ARB2A: variants seen among roughly 807,000 people sequenced by gnomAD.
ARB2A encodes the protein ARB2 cotranscriptional regulator A.
the ARB2A span, among the ~76,000 whole-genome samples, chr5:93,849,209 G>A: frequency 6.6e-6 from 1 of 151,902 alleles, no homozygotes; most frequent in Non-Finnish European, 1.5e-5. Context: ...CTTAGGATAG[G>A]ATACCAACAA....
At chr5:93,746,439 A>C in the ARB2A span, among the ~76,000 whole-genome samples, 5 of 152,320 alleles carry the variant, frequency 3.3e-5, no homozygotes, top group East Asian at 9.6e-4. Flanking sequence ...GAAATGCTAT[A>C]ATGTAGTAGT....
chr5:93,865,397 T>C, the ARB2A span: 7 of 985,276 alleles, frequency 7.1e-6, no homozygotes, highest in Non-Finnish European at 6.0e-6. Context: ...GATAATTTCA[T>C]GTGAGTAGAA....
the ARB2A span, among the ~76,000 whole-genome samples, chr5:94,031,466 A>G: frequency 6.6e-6 from 1 of 152,208 alleles, no homozygotes; most frequent in Non-Finnish European, 1.5e-5. Context: ...GGAATAGCAT[A>G]TATGGTTGAA....
chr5:93,966,444 T>C, the ARB2A span, among the ~76,000 whole-genome samples: 1 of 152,058 alleles, frequency 6.6e-6, no homozygotes, highest in African/African-American at 2.4e-5. Context: ...CAGGATAATA[T>C]AAAACAATTC....
the ARB2A span, among the ~76,000 whole-genome samples, chr5:93,812,946 G>C: frequency 6.6e-6 from 1 of 152,142 alleles, no homozygotes; most frequent in Non-Finnish European, 1.5e-5. Context: ...CCCAAGATGG[G>C]GTTAGTGTCC....
chr5:93,682,001 T>C, the ARB2A span, among the ~76,000 whole-genome samples: 1 of 152,206 alleles, frequency 6.6e-6, no homozygotes, highest in East Asian at 1.9e-4. Context: ...ATTTGGTAAA[T>C]ATTGAAATTC....
At chr5:93,767,424 A>T in the ARB2A span, among the ~76,000 whole-genome samples, 3 of 152,164 alleles carry the variant, frequency 2.0e-5, no homozygotes, top group Non-Finnish European at 2.9e-5. Context: ...GCACTTCTAC[A>T]CTGCTGGTGG....
At chr5:93,960,374 C>A in the ARB2A span, among the ~76,000 whole-genome samples, 1 of 151,992 alleles carries the variant, frequency 6.6e-6, no homozygotes. Context: ...TTCCATAGTC[C>A]CCTTCCCTGT....
At chr5:94,105,015 T>C in the ARB2A span, among the ~76,000 whole-genome samples, 1 of 152,026 alleles carries the variant, frequency 6.6e-6, no homozygotes, top group African/African-American at 2.4e-5. Context: ...GAGCCAGTTA[T>C]GACAAATCCA....
At chr5:94,059,805 G>A in the ARB2A span, among the ~76,000 whole-genome samples, 1 of 150,482 alleles carries the variant, frequency 6.6e-6, no homozygotes, top group Non-Finnish European at 1.5e-5. Context: ...TTTCCAAATA[G>A]AAGAAATAAA....
At chr5:94,103,057 C>G in the ARB2A span, among the ~76,000 whole-genome samples, 1 of 152,002 alleles carries the variant, frequency 6.6e-6, no homozygotes, top group Non-Finnish European at 1.5e-5. Context: ...CTGGCCACCA[C>G]AAAAACAAAC....
At chr5:94,095,643 G>A in the ARB2A span, among the ~76,000 whole-genome samples, 10 of 151,468 alleles carry the variant, frequency 6.6e-5, no homozygotes, top group Admixed American at 2.6e-4. Flanking sequence ...TCTCAACTTA[G>A]GGATAATTTT....
the ARB2A span, among the ~76,000 whole-genome samples, chr5:93,983,087 G>T: frequency 6.6e-6 from 1 of 151,954 alleles, no homozygotes; most frequent in Admixed American, 6.6e-5. Flanking sequence ...AGAGTAGAAA[G>T]ACAATATTTT....
chr5:93,772,150 T>G, the ARB2A span, among the ~76,000 whole-genome samples: 3 of 152,336 alleles, frequency 2.0e-5, no homozygotes, highest in Admixed American at 1.3e-4. Flanking sequence ...GTTCATGTCC[T>G]TTGTAGGGAC....
At chr5:94,000,618 C>T in the ARB2A span, among the ~76,000 whole-genome samples, 3 of 151,938 alleles carry the variant, frequency 2.0e-5, no homozygotes, top group East Asian at 5.8e-4. Flanking sequence ...TATTCTCATT[C>T]TCTTAACATT....
the ARB2A span, among the ~76,000 whole-genome samples, chr5:93,761,735 T>A: frequency 6.6e-6 from 1 of 152,186 alleles, no homozygotes; most frequent in African/African-American, 2.4e-5. Flanking sequence ...CAGCTGGAGA[T>A]CTGAGAACAG....
chr5:94,038,504 A>G, the ARB2A span, among the ~76,000 whole-genome samples: 1 of 152,134 alleles, frequency 6.6e-6, no homozygotes. Flanking sequence ...TATACATATT[A>G]GCAAAAGCAT....
chr5:93,694,077 A>G, the ARB2A span, among the ~76,000 whole-genome samples: 26 of 152,102 alleles, frequency 1.7e-4, no homozygotes, highest in Admixed American at 4.6e-4. Flanking sequence ...CAAACAGCCA[A>G]TACGATACTG....
At chr5:94,099,094 T>C in the ARB2A span, among the ~76,000 whole-genome samples, 2 of 152,030 alleles carry the variant, frequency 1.3e-5, no homozygotes, top group Non-Finnish European at 2.9e-5. Flanking sequence ...TTCCAAAAAA[T>C]TGAGGAGGAA....
Sources: allele counts gnomAD v4.1 joint callset (sites outside exome capture counted in the v4.1 genomes callset), GRCh38; gene constraint gnomAD v4.1.1; transcripts MANE v1.5; gene names NCBI Gene and HGNC (gene_info 2026-07-23, HGNC 2026-07-21).